Variants in C3 observed in about 807,000 individuals in gnomAD.
The protein encoded by C3 is complement C3.
Under a neutral mutation model 207.9 loss-of-function variants are expected in C3, and 97 were observed. The ratio of observed to expected loss-of-function variants is 0.47; its 90% CI spans 0.40 to 0.55. C3 has a LOEUF of 0.55. Ranked by LOEUF, C3 falls within the 20% of genes least tolerant of loss-of-function variation. The probability of loss-of-function intolerance (pLI) is 0.00; values close to 1 mark genes in which losing one functional copy is unlikely to be tolerated. For synonymous variants in C3, 848 were observed against 857.6 expected (o/e 0.99, Z 0.20); for missense variants, 1,684 against 2,171.7 (o/e 0.78, Z 4.46).
In C3 at chr19:6,682,141, C is replaced by T. The variant is rs112769578; in HGVS notation, c.4260+1G>A. 6.2e-7 allele frequency: 1 copy of T among 1,613,348 alleles called. No individual in the cohort carries two copies. The highest frequency in any genetic ancestry group is 1.7e-5 in the Admixed American group (1 of 60,026). ...TATCCCAGCTCCTGAGCCCTTCATA[C>T]CTGCTTCAGGTCATCTGTGTCTGGA... On this transcript the variant is annotated splice_donor_variant, in intron 34 of 40. Coordinates refer to ENST00000245907, the MANE Select transcript of C3 (RefSeq NM_000064.4). LOFTEE classifies it high-confidence loss of function.
At position 6,710,647 on chromosome 19, in the gene C3, C is replaced by A; in HGVS notation, c.1678G>T (p.Val560Leu). The part of the protein sequence containing the change: ...SVWVDVKDSC[V>L]GSLVVKSGQS... ...GCCCAGGGCACACTTACCGAGCCCA[C>A]GCAGGAGTCCTTGACGTCCACCCAC... The change falls in exon 13 of 41, where the codon GTG becomes TTG. Residue 560 changes from valine to leucine, a missense_variant. Coordinates refer to ENST00000245907, the MANE Select transcript of C3 (RefSeq NM_000064.4). 2 of 1,612,818 alleles carry A rather than the reference C, an allele frequency of 1.2e-6. No individual in the cohort carries two copies. Among genetic ancestry groups the A allele is most frequent in the Non-Finnish European group, 1.7e-6 (2 of 1,179,606 alleles).
Position 6,682,219 on chromosome 19 carries a change from C to A in C3, c.4183G>T (p.Asp1395Tyr). The A allele has an allele frequency of 6.2e-7, 1 of 1,613,002 alleles. No homozygotes were observed. The highest frequency in any genetic ancestry group is 8.5e-7 in the Non-Finnish European group (1 of 1,178,938). Residue 1395 changes from aspartate to tyrosine, a missense_variant, in exon 34 of 41, where the codon GAC becomes TAC. Asp to Tyr is a radical substitution (Grantham distance 160, BLOSUM62 -3). Coordinates refer to ENST00000245907, the MANE Select transcript of C3 (RefSeq NM_000064.4). ...AATATAGACATAGTGGCATCCTGGT[C>A]TCCCCGGTACCTGGATAGTGCAGAA... ...ILEICTRYRG[D>Y]QDATMSILDI...
intron 24 of C3, among the ~76,000 whole-genome samples, chr19:6,694,164 CGTGGCCTTG>C (rs1918245938): frequency 1.1e-5 from 1 of 90,884 alleles, no homozygotes; most frequent in East Asian, 3.2e-4. Flanking sequence ...CCTCAGAGGG[CGTGGCCTTG>C]AGAAGAGGTG....
In C3 at chr19:6,707,426, G is replaced by A. The variant is rs373941166; in HGVS notation, c.2047+40C>T. The A allele has an allele frequency of 6.8e-6, 11 of 1,610,394 alleles. No homozygotes were observed. The South Asian group carries it at 1.1e-4, about 16-fold the overall frequency. On this transcript the variant is annotated intron_variant, in intron 16 of 40. Coordinates refer to ENST00000245907, the MANE Select transcript of C3 (RefSeq NM_000064.4). ...CACGGCCGGGCTGGGGTCTCCTGGG[G>A]TGGGGCTCGGGGGCAGGAGTGGGTA... is the stretch of plus-strand genomic sequence containing the variant.
At chr19:6,691,221 T>G (rs945513665) in intron 26 of C3, among the ~76,000 whole-genome samples, 1 of 152,050 alleles carries the variant, frequency 6.6e-6, no homozygotes, top group African/African-American at 2.4e-5. Context: ...ACCAAGCTAA[T>G]TTTTTTGTAT....
In C3 at chr19:6,682,011, C is replaced by G. The variant is rs1252407849; in HGVS notation, c.4280G>C (p.Arg1427Thr). The change falls in exon 35 of 41, where the codon AGA becomes ACA. Residue 1427 changes from arginine to threonine, a missense_variant. Arg to Thr is a moderately conservative substitution (Grantham distance 71). This residue lies in a region of C3 where 346 missense variants were observed against 380.1 expected (regional missense o/e 0.91). Coordinates refer to ENST00000245907, the MANE Select transcript of C3 (RefSeq NM_000064.4). ...GTCCAGCTCATACTTGGAGATGTAT[C>G]TGTCAACACCATTGGCCAGCTGGGG... ...DLKQLANGVD[R>T]YISKYELDKA... 2 of 1,614,124 alleles carry G rather than the reference C, an allele frequency of 1.2e-6. No homozygotes were observed. Among genetic ancestry groups the G allele is most frequent in the African/African-American group, 2.7e-5 (2 of 75,056 alleles).
rs1183656278 is a variant in C3, at chr19:6,707,458, G to A, written c.2047+8C>T. 4 of 1,613,794 alleles carry A rather than the reference G, an allele frequency of 2.5e-6. No individual in the cohort carries two copies. In the Admixed American group the frequency reaches 6.7e-5, roughly 27 times the overall value. On this transcript the variant is annotated splice_region_variant and intron_variant, in intron 16 of 40. Transcript: ENST00000245907. Reference sequence around the variant, plus strand: ...TCGGGGGCAGGAGTGGGTAGGAAAGGCTCCCACCTTTGTCCATTCGCTTCT... The same window carrying A: ...TCGGGGGCAGGAGTGGGTAGGAAAGACTCCCACCTTTGTCCATTCGCTTCT...
intron 23 of C3, among the ~76,000 whole-genome samples, chr19:6,695,875 T>G (rs571368852): frequency 6.6e-6 from 1 of 152,284 alleles, no homozygotes; most frequent in South Asian, 2.1e-4. Context: ...ATCTGGAGGC[T>G]TCTATAAAAC....
At position 6,719,516 on chromosome 19, in the gene C3, G is replaced by A. The variant is rs117525201; in HGVS notation, c.75-113C>T. 0.013 allele frequency: 12,593 copies of A among 959,552 alleles called. 138 individuals are homozygous for A. Among genetic ancestry groups the A allele is most frequent in the South Asian group, 0.021 (1,417 of 68,366 alleles). 59.4% of individuals were successfully genotyped at this position (959,552 alleles called of 1,614,324 possible). On this transcript the variant is annotated intron_variant, in intron 1 of 40. Transcript: ENST00000245907. The surrounding 1 kb of genome is among the most constrained non-coding windows in gnomAD (Gnocchi z 5.4). ...TGCCCCAGCCTCTGGTCCTGGAGAG[G>A]ATCCAGTGACTGCCGGCGCACTTGC...
At chr19:6,686,018 G>T in intron 29 of C3, 106 bp downstream of exon 29, 1 of 1,128,134 alleles carries the variant, frequency 8.9e-7, no homozygotes, top group Non-Finnish European at 1.4e-6. Flanking sequence ...ACTGGCTCGT[G>T]GGAATGAAGA....
intron 3 of C3, 34 bp from the exon 4 acceptor site, chr19:6,718,198 A>AG: frequency 6.2e-7 from 1 of 1,614,034 alleles, no homozygotes; most frequent in Non-Finnish European, 8.5e-7. Flanking sequence ...GTGAGACCCT[A>AG]GCCCGCCCAC....
Position 6,681,878 on chromosome 19 carries a change from A to C in C3, c.4350+63T>G, listed in dbSNP as rs1917870671. 3 of 1,202,230 alleles carry C rather than the reference A, an allele frequency of 2.5e-6. No homozygotes were observed. In the South Asian group the frequency reaches 3.6e-5, roughly 15 times the overall value. The allele number at this position is 1,202,230 out of a possible 1,614,324, so 74.5% of individuals were successfully genotyped here. ...GACAAAAGCTGAAAGGAAAAGAAAGACCAGCCAGATAGAGGTCAGGGTGCC... is the reference window on the plus strand; with the variant it reads ...GACAAAAGCTGAAAGGAAAAGAAAGCCCAGCCAGATAGAGGTCAGGGTGCC... On this transcript the variant is annotated intron_variant, in intron 35 of 40. Coordinates refer to ENST00000245907, the MANE Select transcript of C3 (RefSeq NM_000064.4).
rs200444854 is a variant in C3 at position 6,694,447 on chromosome 19, C to T, written c.3138G>A (p.Leu1046=). The T allele has an allele frequency of 1.2e-6, 2 of 1,614,066 alleles. No homozygotes were observed. Among genetic ancestry groups the T allele is most frequent in the African/African-American group, 2.7e-5 (2 of 75,022 alleles). ...KFGLEKRQGA[L]ELIKKGYTQQ... ...GGAGCCCACCCTTCTTGATGAGCTC[C>T]AAGGCCCCCTGCCGCTTCTCTAGGC... The change falls in exon 24 of 41, where the codon TTG becomes TTA. Residue 1046 remains leucine, a synonymous_variant. Transcript: ENST00000245907.
intron 11 of C3, among the ~76,000 whole-genome samples, chr19:6,711,743 G>T (rs917517433): frequency 1.3e-5 from 2 of 152,198 alleles, no homozygotes; most frequent in African/African-American, 4.8e-5. Flanking sequence ...CAGCTGTCAT[G>T]AGACTTGCTT....
intron 26 of C3, 68 bp downstream of exon 26, chr19:6,692,856 T>C: frequency 1.9e-6 from 3 of 1,569,234 alleles, no homozygotes; most frequent in Non-Finnish European, 2.6e-6. Context: ...TGGGGCTCTC[T>C]CTCGTGTTCA....
At chr19:6,686,454 A>T in intron 28 of C3, 167 bp from the exon 29 acceptor site, 2 of 759,730 alleles carry the variant, frequency 2.6e-6, no homozygotes, top group East Asian at 2.5e-5. Flanking sequence ...CTCTTGTTTC[A>T]TCAACTCTCA....
rs772474301 is a variant in C3 at position 6,677,929 on chromosome 19, G to A, written c.4945C>T (p.Leu1649Phe). 6.4e-7 allele frequency: 1 copy of A among 1,557,622 alleles called. No individual in the cohort carries two copies. The highest frequency in any genetic ancestry group is 2.4e-5 in the East Asian group (1 of 41,846). Residue 1649 changes from leucine (L) to phenylalanine (F), a missense_variant, in exon 41 of 41, where the codon CTC (leucine) becomes TTC (phenylalanine). Physicochemically the swap from Leu to Phe is conservative, Grantham distance 22. This residue lies in a region of C3 where 346 missense variants were observed against 380.1 expected (regional missense o/e 0.91). Coordinates refer to ENST00000245907, the MANE Select transcript of C3 (RefSeq NM_000064.4). ...DEENQKQCQD[L>F]GAFTESMVVF... ...ACCATGCTCTCGGTGAAGGCGCCGAGGTCCTGGCATTGTTTCTGGTTCTCT... is the reference window on the plus strand; with the variant it reads ...ACCATGCTCTCGGTGAAGGCGCCGAAGTCCTGGCATTGTTTCTGGTTCTCT...
rs146167974 is a variant in C3 at position 6,713,448 on chromosome 19, C to T, written c.835G>A (p.Glu279Lys). 160 of 1,613,806 alleles carry T rather than the reference C, an allele frequency of 9.9e-5. No homozygotes were observed. The highest frequency in any genetic ancestry group is 1.3e-4 in the Non-Finnish European group (156 of 1,179,938). ...AFVIFGIQDG[E>K]QRISLPESLK... ...GATTCAGGCAGGGAAATCCTCTGTT[C>T]GCCATCCTGGATCCCGAAGATGACA... The change falls in exon 8 of 41, where the codon GAA (glutamate) becomes AAA (lysine). Residue 279 changes from glutamate (E) to lysine (K), a missense_variant. Transcript: ENST00000245907.
intron 27 of C3, among the ~76,000 whole-genome samples, chr19:6,687,330 C>CCA: frequency 6.6e-6 from 1 of 152,180 alleles, no homozygotes; most frequent in Non-Finnish European, 1.5e-5. Context: ...CAGTATACCA[C>CCA]TGTGAACACC....
Sources: gnomAD v4.1 joint callset for allele counts (sites outside exome capture counted in the v4.1 genomes callset) on GRCh38, gnomAD v4.1.1 for gene constraint, gnomAD v4.1.1 regional missense constraint, Gnocchi (gnomAD v3.1) non-coding constraint, MANE v1.5 for transcripts, NCBI Gene and HGNC (gene_info 2026-07-23, HGNC 2026-07-21) for gene names.